The following BCAS3 variants were observed in gnomAD, a reference collection of about 807,000 sequenced individuals.
BCAS3 encodes the protein BCAS3 microtubule associated cell migration factor, also known as BCAS4/BCAS3 fusion.
In BCAS3, 53 loss-of-function variants were observed where a neutral mutation model predicts 116.1. The ratio of observed to expected loss-of-function variants is 0.46; its 90% CI spans 0.37 to 0.57. The LOEUF is 0.57. BCAS3 is among the 20% of genes least tolerant of loss of function. BCAS3 has a pLI of 0.00. For synonymous variants in BCAS3, 391 were observed against 408.2 expected (o/e 0.96, Z 0.51); for missense variants, 917 against 1,165.4 (o/e 0.79, Z 3.10).
chr17:61,057,238 T>C (rs2069478539), intron 19 of BCAS3, among the ~76,000 whole-genome samples: 1 of 152,202 alleles, frequency 6.6e-6, no homozygotes, highest in Admixed American at 6.5e-5. Context: ...ATATAATAGT[T>C]TTTTAAATAT....
Position 61,063,471 on chromosome 17 carries a change from T to A in BCAS3, c.2030-11449T>A, listed in dbSNP as rs1432715323. ...TTTTAGTAGAGACGGAGTTTCACCA[T>A]GTTAGCCAGGATGGTCTCGATCTCT... On this transcript the variant is annotated intron_variant, in intron 19 of 23. Coordinates refer to ENST00000407086, the MANE Select transcript of BCAS3 (RefSeq NM_017679.5). This position sits in a 1 kb window ranked among gnomAD's most constrained non-coding sequence, Gnocchi z 5.3. 6.6e-6 allele frequency among the ~76,000 whole-genome samples: 1 copy of A among 152,124 alleles called. No homozygotes were observed. The highest frequency in any genetic ancestry group is 1.5e-5 in the Non-Finnish European group (1 of 68,026).
chr17:60,837,010 A>T (rs902560987), intron 7 of BCAS3, among the ~76,000 whole-genome samples: 2 of 152,182 alleles, frequency 1.3e-5, no homozygotes, highest in African/African-American at 4.8e-5. Context: ...ATGATACTTA[A>T]AAGACTGACA....
chr17:60,862,323 T>A (rs1471280011), intron 7 of BCAS3, among the ~76,000 whole-genome samples: 4 of 152,072 alleles, frequency 2.6e-5, no homozygotes, highest in African/African-American at 9.7e-5. Context: ...GCTGGCTTCA[T>A]AGAATGAGTT....
chr17:60,812,889 C>G (rs1026871200), intron 7 of BCAS3, among the ~76,000 whole-genome samples: 1 of 152,046 alleles, frequency 6.6e-6, no homozygotes, highest in East Asian at 1.9e-4. Flanking sequence ...ATAAGTTATG[C>G]CACTGTTGGG....
rs1230056719 is a variant in BCAS3 at position 61,332,079 on chromosome 17, G to A, written c.2426-36248G>A. ...GTGGGTCTCGACCTCCCATGAGCAG[G>A]GCGAGGCTGCCTCAGACAAGTGCAG... On this transcript the variant is annotated intron_variant, in intron 22 of 23. Transcript: ENST00000407086. The surrounding 1 kb of genome is among the most constrained non-coding windows in gnomAD (Gnocchi z 5.4). 2.0e-5 allele frequency among the ~76,000 whole-genome samples: 3 copies of A among 152,194 alleles called. No homozygotes were observed. The highest frequency in any genetic ancestry group is 2.9e-5 in the Non-Finnish European group (2 of 68,042).
At chr17:61,373,190 AG>A (rs1258760248) in intron 23 of BCAS3, among the ~76,000 whole-genome samples, 1 of 151,714 alleles carries the variant, frequency 6.6e-6, no homozygotes, top group Non-Finnish European at 1.5e-5. Flanking sequence ...TCTGGGTTCA[AG>A]CAATTCTCCT....
At chr17:60,945,273 T>A (rs995414120) in intron 13 of BCAS3, among the ~76,000 whole-genome samples, 2 of 152,152 alleles carry the variant, frequency 1.3e-5, no homozygotes, top group African/African-American at 4.8e-5. Flanking sequence ...AAATATGCTG[T>A]GTTAATAGAT....
rs1240085663 is a variant in BCAS3, at chr17:61,339,361, G to A, written c.2426-28966G>A. Among the ~76,000 whole-genome samples the A allele has an allele frequency of 6.6e-6, 1 of 152,192 alleles. No homozygotes were observed. The highest frequency in any genetic ancestry group is 1.5e-5 in the Non-Finnish European group (1 of 68,038). On this transcript the variant is annotated intron_variant, in intron 22 of 23. Coordinates refer to ENST00000407086, the MANE Select transcript of BCAS3 (RefSeq NM_017679.5). This position sits in a 1 kb window ranked among gnomAD's most constrained non-coding sequence, Gnocchi z 4.4. ...GGATCCAGGGGATAAGGATACAATG[G>A]GAAGGCCCATGAAGCCGCCTAAAGG... is the stretch of plus-strand genomic sequence containing the variant.
intron 5 of BCAS3, among the ~76,000 whole-genome samples, chr17:60,710,899 C>T (rs1330296001): frequency 2.0e-5 from 3 of 151,070 alleles, no homozygotes; most frequent in Non-Finnish European, 4.4e-5. Context: ...ACCTCCTGGA[C>T]TCAAGCGATC....
In BCAS3 at chr17:61,162,776, G is replaced by A. The variant is rs1168542021; in HGVS notation, c.2425+78212G>A. On this transcript the variant is annotated intron_variant, in intron 22 of 23. Coordinates refer to ENST00000407086, the MANE Select transcript of BCAS3 (RefSeq NM_017679.5). This position sits in a 1 kb window ranked among gnomAD's most constrained non-coding sequence, Gnocchi z 5.6. ...ACGTCTCCAGCCGAGGCTGCAACCCGAGGAACCACTCCTGATGGAATATGA... is the reference window on the plus strand; with the variant it reads ...ACGTCTCCAGCCGAGGCTGCAACCCAAGGAACCACTCCTGATGGAATATGA... Among the ~76,000 whole-genome samples the A allele has an allele frequency of 1.3e-5, 2 of 152,146 alleles. No homozygotes were observed. The highest frequency in any genetic ancestry group is 2.4e-5 in the African/African-American group (1 of 41,436).
intron 7 of BCAS3, chr17:60,811,102 A>T: frequency 1.6e-6 from 1 of 632,268 alleles, no homozygotes; most frequent in South Asian, 1.5e-5. Context: ...CCTGGACTGC[A>T]TGAGAAATCT....
intron 22 of BCAS3, among the ~76,000 whole-genome samples, chr17:61,340,090 G>A (rs1412975035): frequency 6.6e-6 from 1 of 152,160 alleles, no homozygotes; most frequent in Non-Finnish European, 1.5e-5. Context: ...TTCAAAGAGA[G>A]AAAGGGAGGA....
chr17:61,287,597 G>A (rs143103106), intron 22 of BCAS3, among the ~76,000 whole-genome samples: 1 of 151,870 alleles, frequency 6.6e-6, no homozygotes, highest in African/African-American at 2.4e-5. Flanking sequence ...ATGGTGATGG[G>A]CACCTACAGT....
chr17:61,392,168 T>C lies in BCAS3; in HGVS notation c.*43T>C, dbSNP rs1212690082. The C allele has an allele frequency of 6.3e-7, 1 of 1,595,716 alleles. No individual in the cohort carries two copies. The highest frequency in any genetic ancestry group is 8.6e-7 in the Non-Finnish European group (1 of 1,168,908). On this transcript the variant is annotated 3_prime_UTR_variant, in exon 24 of 24. Coordinates refer to ENST00000407086, the MANE Select transcript of BCAS3 (RefSeq NM_017679.5). The surrounding 1 kb of genome is among the most constrained non-coding windows in gnomAD (Gnocchi z 6.4). Reference sequence around the variant, plus strand: ...CTGACTGGCCAGCCCCCTCCCCTGCTGGAGGAGGGGAGAAGCCCCGCTCTG... The same window carrying C: ...CTGACTGGCCAGCCCCCTCCCCTGCCGGAGGAGGGGAGAAGCCCCGCTCTG...
chr17:61,170,327 C>CT (rs1371226538), intron 22 of BCAS3, among the ~76,000 whole-genome samples: 1 of 151,906 alleles, frequency 6.6e-6, no homozygotes, highest in Non-Finnish European at 1.5e-5. Context: ...GAGTCTCGCT[C>CT]TGTCGCCCAG....
intron 22 of BCAS3, among the ~76,000 whole-genome samples, chr17:61,319,705 T>C (rs2055035530): frequency 6.6e-6 from 1 of 152,054 alleles, no homozygotes; most frequent in South Asian, 2.1e-4. Context: ...GTAATTTATT[T>C]ACTCCTTAGT....
In BCAS3 at chr17:61,243,403, C is replaced by T. The variant is rs1468755451; in HGVS notation, c.2426-124924C>T. On this transcript the variant is annotated intron_variant, in intron 22 of 23. Transcript: ENST00000407086. This position sits in a 1 kb window ranked among gnomAD's most constrained non-coding sequence, Gnocchi z 5.6. Reference sequence around the variant, plus strand: ...ATGGACATTTAGTTTGCTTCTACATCTTGACTATTGTGCATAATGCTACAG... The same window carrying T: ...ATGGACATTTAGTTTGCTTCTACATTTTGACTATTGTGCATAATGCTACAG... Among the ~76,000 whole-genome samples, 2 of 152,294 alleles carry T rather than the reference C, an allele frequency of 1.3e-5. No individual in the cohort carries two copies. The highest frequency in any genetic ancestry group is 2.9e-5 in the Non-Finnish European group (2 of 68,018).
chr17:60,876,081 T>C (rs1276240036), intron 9 of BCAS3, among the ~76,000 whole-genome samples: 1 of 152,054 alleles, frequency 6.6e-6, no homozygotes, highest in Non-Finnish European at 1.5e-5. Flanking sequence ...TCTTTTGATT[T>C]GCACAGTTGC....
chr17:61,069,933 T>C (rs1302801894), intron 19 of BCAS3: 2 of 1,557,136 alleles, frequency 1.3e-6, no homozygotes, highest in African/African-American at 1.4e-5. Flanking sequence ...AAGCGAAGGC[T>C]TTAAAGGCCA....
Sources: gnomAD v4.1 joint callset for allele counts (sites outside exome capture counted in the v4.1 genomes callset) on GRCh38, gnomAD v4.1.1 for gene constraint, Gnocchi (gnomAD v3.1) non-coding constraint, MANE v1.5 for transcripts, NCBI Gene and HGNC (gene_info 2026-07-23, HGNC 2026-07-21) for gene names.